Variants in RHEX observed in about 807,000 individuals in gnomAD.
RHEX encodes the protein regulator of hemoglobinization and erythroid cell expansion protein.
Under a neutral mutation model 20.1 loss-of-function variants are expected in RHEX, and 18 were observed. The ratio of observed to expected loss-of-function variants is 0.90; its 90% confidence interval spans 0.62 to 1.33. RHEX has a LOEUF of 1.33. RHEX is among the 40% of genes most tolerant of loss of function. The pLI, the probability that RHEX is intolerant of heterozygous loss-of-function variation, is 0.00. For synonymous variants in RHEX, 87 were observed against 77.1 expected (o/e 1.13, Z -0.67); for missense variants, 192 against 214.3 (o/e 0.90, Z 0.65).
intron 1 of RHEX, among the ~76,000 whole-genome samples, chr1:206,068,832 C>G (rs1258223658): frequency 6.6e-6 from 1 of 152,100 alleles, no homozygotes; most frequent in Non-Finnish European, 1.5e-5. Context: ...CTTTTATTTC[C>G]CCAGGGGGCA....
chr1:206,085,396 C>T (rs1244979563), intron 1 of RHEX, among the ~76,000 whole-genome samples: 15 of 152,098 alleles, frequency 9.9e-5, no homozygotes, highest in Middle Eastern at 3.2e-3. Context: ...ATTTAGCAGG[C>T]CAATCGATGA....
chr1:206,089,965 G>A (rs1339396902), intron 1 of RHEX, among the ~76,000 whole-genome samples: 6 of 151,442 alleles, frequency 4.0e-5, no homozygotes, highest in African/African-American at 9.7e-5. Context: ...TAATCCGTTT[G>A]GAATTCATTT....
At chr1:206,054,310 T>G (rs1417272757) in intron 1 of RHEX, among the ~76,000 whole-genome samples, 1 of 152,176 alleles carries the variant, frequency 6.6e-6, no homozygotes, top group Non-Finnish European at 1.5e-5. Context: ...ATAAAAAAAT[T>G]TATGCAAAAA....
intron 1 of RHEX, among the ~76,000 whole-genome samples, chr1:206,070,169 G>A (rs1662499328): frequency 6.6e-6 from 1 of 152,014 alleles, no homozygotes; most frequent in East Asian, 1.9e-4. Context: ...TAAACTCCTC[G>A]GTCTTGAGCA....
At chr1:206,073,728 T>C (rs1264016806) in intron 1 of RHEX, among the ~76,000 whole-genome samples, 6 of 152,134 alleles carry the variant, frequency 3.9e-5, no homozygotes, top group Non-Finnish European at 8.8e-5. Flanking sequence ...CCTGGAATTC[T>C]CTCCTTCCCA....
In RHEX at chr1:206,102,071, C is replaced by G. The variant is rs1571877232; in HGVS notation, c.*119C>G. 3 of 814,418 alleles carry G rather than the reference C, an allele frequency of 3.7e-6. No homozygotes were observed. Among genetic ancestry groups the G allele is most frequent in the Non-Finnish European group, 6.1e-6 (3 of 495,062 alleles). 50.4% of individuals were successfully genotyped at this position (814,418 alleles called of 1,614,324 possible). ...GGCTCACAAGTCTATGGAGACAGGC[C>G]AAAAAGAATGTGGAGAAGAAAACTG... On this transcript the variant is annotated 3_prime_UTR_variant, in exon 6 of 6. Coordinates refer to ENST00000331555, the MANE Select transcript of RHEX (RefSeq NM_001007544.4).
chr1:206,057,026 T>C (rs1662207510), intron 1 of RHEX, among the ~76,000 whole-genome samples: 1 of 152,192 alleles, frequency 6.6e-6, no homozygotes, highest in Non-Finnish European at 1.5e-5. Flanking sequence ...AAGAAAAATA[T>C]GTAACATTAG....
At chr1:206,097,180 T>C (rs1663089894) in intron 1 of RHEX, among the ~76,000 whole-genome samples, 1 of 152,174 alleles carries the variant, frequency 6.6e-6, no homozygotes, top group African/African-American at 2.4e-5. Flanking sequence ...GAGAGACAGG[T>C]AATTTCCTGG....
intron 3 of RHEX, among the ~76,000 whole-genome samples, chr1:206,098,802 C>G (rs782197116): frequency 2.0e-5 from 3 of 152,226 alleles, no homozygotes; most frequent in Non-Finnish European, 4.4e-5. Flanking sequence ...AAGACACTCT[C>G]TGGGCCTAGG....
rs140040326 is a variant in RHEX, at chr1:206,101,341, A to AG, written c.318+151dup. On this transcript the variant is annotated intron_variant, in intron 5 of 5. Transcript: ENST00000331555. ...TGAGTCATCACAGCATCCTCAGGTG[A>AG]GGGGGGGTCAGGCTTCCACCCATAA... The AG allele has an allele frequency of 2.6e-3, 1,709 of 662,682 alleles. 24 individuals are homozygous for AG. The African/African-American group carries it at 0.029, about 11-fold the overall frequency. 41.1% of individuals were successfully genotyped at this position (662,682 alleles called of 1,614,324 possible). A position where few individuals can be genotyped will look rare whatever the true frequency, so the allele number is the denominator to read the frequency against.
chr1:206,101,308 G>T, intron 5 of RHEX, 111 bp downstream of exon 5: 1 of 869,680 alleles, frequency 1.1e-6, no homozygotes. Flanking sequence ...CAAGAAAAGA[G>T]GGTTTCTTGA....
chr1:206,065,835 G>A (rs899553095), intron 1 of RHEX, among the ~76,000 whole-genome samples: 1 of 152,350 alleles, frequency 6.6e-6, no homozygotes, highest in Middle Eastern at 3.4e-3. Flanking sequence ...ATAGGGTGGG[G>A]AGAGTGGGAC....
chr1:206,101,298 C>G (rs58488597), intron 5 of RHEX, 101 bp downstream of exon 5: 1 of 933,938 alleles, frequency 1.1e-6, no homozygotes, highest in African/African-American at 1.7e-5. Context: ...GTAGTGGGAG[C>G]AAGAAAAGAG....
chr1:206,066,564 C>A (rs1662427078), intron 1 of RHEX, among the ~76,000 whole-genome samples: 1 of 152,168 alleles, frequency 6.6e-6, no homozygotes, highest in Non-Finnish European at 1.5e-5. Flanking sequence ...TTGCAGTGAG[C>A]TGAGATTGCA....
rs1276540416 is a variant in RHEX at position 206,056,375 on chromosome 1, T to C, written c.-97+3110T>C. 4 of 152,518 alleles carry C rather than the reference T, an allele frequency of 2.6e-5. No homozygotes were observed. The East Asian group carries it at 7.7e-4, about 29-fold the overall frequency. The allele number at this position is 152,518 out of a possible 1,614,324, so 9.4% of individuals were successfully genotyped here. On this transcript the variant is annotated intron_variant, in intron 1 of 5. Transcript: ENST00000331555. The stretch of plus-strand genomic sequence containing the variant: ...AGGAAACTCATCGCGGGACTAATTT[T>C]CCTTAAAATTTAGACTTGCACAGTA...
At chr1:206,090,401 T>G (rs1662924460) in intron 1 of RHEX, among the ~76,000 whole-genome samples, 1 of 151,976 alleles carries the variant, frequency 6.6e-6, no homozygotes, top group South Asian at 2.1e-4. Flanking sequence ...AGAGACAGGT[T>G]TCACCATCTT....
At chr1:206,073,393 T>G (rs1028389838) in intron 1 of RHEX, among the ~76,000 whole-genome samples, 1 of 152,204 alleles carries the variant, frequency 6.6e-6, no homozygotes, top group Non-Finnish European at 1.5e-5. Context: ...ACTTGTATAG[T>G]CTTTAAGTGT....
At chr1:206,099,002 T>G (rs1553288062) in intron 3 of RHEX, among the ~76,000 whole-genome samples, 2 of 152,168 alleles carry the variant, frequency 1.3e-5, no homozygotes, top group Non-Finnish European at 2.9e-5. Flanking sequence ...CCTTTGAGTA[T>G]AAACTTGCAG....
intron 1 of RHEX, among the ~76,000 whole-genome samples, chr1:206,083,196 C>T (rs1662771961): frequency 6.6e-6 from 1 of 152,224 alleles, no homozygotes; most frequent in South Asian, 2.1e-4. Context: ...GAACATGAGT[C>T]CCTTTAGGGA....
Sources: gnomAD v4.1 joint callset for allele counts (sites outside exome capture counted in the v4.1 genomes callset) on GRCh38, gnomAD v4.1.1 for gene constraint, MANE v1.5 for transcripts, NCBI Gene and HGNC (gene_info 2026-07-23, HGNC 2026-07-21) for gene names.